RCAN2: variants seen among roughly 807,000 people sequenced by gnomAD.
The protein encoded by RCAN2 is calcipressin-2.
Under a neutral mutation model 23.6 loss-of-function variants are expected in RCAN2, and 9 were observed. The ratio of observed to expected loss-of-function variants is 0.38; its 90% confidence interval spans 0.23 to 0.67. RCAN2 has a LOEUF of 0.67. Among genes scored for constraint, RCAN2 ranks in the 30% least tolerant of loss-of-function variants. The pLI, the probability that RCAN2 is intolerant of heterozygous loss-of-function variation, is 0.51. For synonymous variants in RCAN2, 109 were observed against 115.7 expected (o/e 0.94, Z 0.37); for missense variants, 273 against 302.3 (o/e 0.90, Z 0.72).
At chr6:46,478,639 C>T (rs745526501) in intron 1 of RCAN2, among the ~76,000 whole-genome samples, 4 of 152,120 alleles carry the variant, frequency 2.6e-5, no homozygotes, top group African/African-American at 9.7e-5. Context: ...GCTCCAAAGT[C>T]TTACTGGAAA....
intron 2 of RCAN2, among the ~76,000 whole-genome samples, chr6:46,379,188 A>G (rs532599875): frequency 6.6e-6 from 1 of 152,334 alleles, no homozygotes; most frequent in East Asian, 1.9e-4. Context: ...TAGTTTGCCA[A>G]TTATGTGGGT....
chr6:46,486,145 G>T (rs1370358530), intron 1 of RCAN2, among the ~76,000 whole-genome samples: 2 of 152,122 alleles, frequency 1.3e-5, no homozygotes, highest in East Asian at 3.8e-4. Flanking sequence ...GTAAAGTGGG[G>T]AGATAAGGTA....
chr6:46,472,431 G>A (rs1333746570), intron 1 of RCAN2, among the ~76,000 whole-genome samples: 1 of 152,156 alleles, frequency 6.6e-6, no homozygotes, highest in Non-Finnish European at 1.5e-5. Flanking sequence ...ATAAAGTTGA[G>A]CAATAGTCCC....
chr6:46,341,874 T>C (rs1265027346), intron 2 of RCAN2, among the ~76,000 whole-genome samples: 1 of 152,114 alleles, frequency 6.6e-6, no homozygotes, highest in Non-Finnish European at 1.5e-5. Context: ...GTAAGGGTTG[T>C]GGTAAATCAA....
Position 46,456,732 on chromosome 6 carries a change from A to T in RCAN2, c.225+20T>A. On this transcript the variant is annotated intron_variant, in intron 2 of 4. Transcript: ENST00000371374. ...ATGCCATATCTCCCCATGTTTTAGG[A>T]ACAGAAAAAGGCAGCTTACCTTGCT... The T allele has an allele frequency of 6.7e-7, 1 of 1,503,398 alleles. No individual in the cohort carries two copies. Among genetic ancestry groups the T allele is most frequent in the East Asian group, 2.5e-5 (1 of 40,674 alleles). 93.1% of individuals were successfully genotyped at this position (1,503,398 alleles called of 1,614,324 possible).
chr6:46,354,517 T>C (rs1764762818), intron 2 of RCAN2, among the ~76,000 whole-genome samples: 1 of 152,194 alleles, frequency 6.6e-6, no homozygotes, highest in South Asian at 2.1e-4. Flanking sequence ...CCTCTCTGTA[T>C]TGCCTTTGCA....
intron 2 of RCAN2, among the ~76,000 whole-genome samples, chr6:46,401,845 G>C (rs976010425): frequency 3.3e-5 from 5 of 152,070 alleles, no homozygotes; most frequent in Non-Finnish European, 7.3e-5. Context: ...CTCCATAATG[G>C]GGGGAGACTA....
At chr6:46,466,330 A>G (rs958731737) in intron 1 of RCAN2, among the ~76,000 whole-genome samples, 2 of 152,220 alleles carry the variant, frequency 1.3e-5, no homozygotes, top group African/African-American at 2.4e-5. Flanking sequence ...AAGGAAAGAA[A>G]GCAGGGAGTG....
intron 2 of RCAN2, among the ~76,000 whole-genome samples, chr6:46,418,693 GTGTATATATATATA>G (rs1766779718): frequency 2.0e-5 from 2 of 99,608 alleles, no homozygotes; most frequent in African/African-American, 7.2e-5. Context: ...ATATGTGTGT[GTGTATATATATATA>G]TATATATATA....
chr6:46,458,024 AG>A (rs1768094985), intron 1 of RCAN2, among the ~76,000 whole-genome samples: 1 of 152,182 alleles, frequency 6.6e-6, no homozygotes, highest in African/African-American at 2.4e-5. Flanking sequence ...TTCTGCTCAA[AG>A]CTCAATAGTT....
intron 1 of RCAN2, among the ~76,000 whole-genome samples, chr6:46,463,147 T>G (rs901884894): frequency 6.6e-6 from 1 of 152,146 alleles, no homozygotes; most frequent in Non-Finnish European, 1.5e-5. Context: ...CATGGCCAAT[T>G]CTGGGTACTG....
intron 2 of RCAN2, among the ~76,000 whole-genome samples, chr6:46,307,919 C>G (rs762687312): frequency 1.3e-5 from 2 of 152,104 alleles, no homozygotes; most frequent in African/African-American, 4.8e-5. Flanking sequence ...AGGAAAGAAG[C>G]CTTTATGTGT....
rs147455334 is a variant in RCAN2, at chr6:46,277,465, C to T, written c.226-28569G>A. 2.9e-3 allele frequency among the ~76,000 whole-genome samples: 435 copies of T among 152,032 alleles called. 4 individuals are homozygous for T. Among genetic ancestry groups the T allele is most frequent in the African/African-American group, 9.9e-3 (411 of 41,352 alleles). On this transcript the variant is annotated intron_variant, in intron 2 of 4. Coordinates refer to ENST00000371374, the MANE Select transcript of RCAN2 (RefSeq NM_001251974.2). ...TAGTACCCAGAAGAACTGTCCTGGG[C>T]CAGTTGGGGTGGGTGGTTGCCCTAT...
intron 2 of RCAN2, among the ~76,000 whole-genome samples, chr6:46,289,365 T>TTA (rs1401893723): frequency 3.9e-5 from 6 of 152,332 alleles, no homozygotes; most frequent in South Asian, 4.1e-4. Context: ...TTAAGCCTAA[T>TTA]ACTGGTTGGG....
chr6:46,422,331 C>T (rs1766907682), intron 2 of RCAN2, among the ~76,000 whole-genome samples: 1 of 152,140 alleles, frequency 6.6e-6, no homozygotes, highest in Admixed American at 6.5e-5. Flanking sequence ...GAAGCCCTCA[C>T]CAGAAGTGGA....
At chr6:46,281,395 G>A (rs777380746) in intron 2 of RCAN2, among the ~76,000 whole-genome samples, 1 of 152,206 alleles carries the variant, frequency 6.6e-6, no homozygotes, top group Non-Finnish European at 1.5e-5. Context: ...GGGAATGAAT[G>A]TTTTAAACAA....
chr6:46,265,967 T>C (rs1767313146), intron 2 of RCAN2, among the ~76,000 whole-genome samples: 1 of 152,218 alleles, frequency 6.6e-6, no homozygotes, highest in African/African-American at 2.4e-5. Context: ...TCTTCCTAAA[T>C]GCAGACACTG....
chr6:46,348,043 A>AT (rs1764541111), intron 2 of RCAN2, among the ~76,000 whole-genome samples: 1 of 152,194 alleles, frequency 6.6e-6, no homozygotes, highest in Admixed American at 6.5e-5. Flanking sequence ...CTACATTGTG[A>AT]TTTAAATGGA....
intron 2 of RCAN2, among the ~76,000 whole-genome samples, chr6:46,308,832 T>C (rs1275619925): frequency 6.6e-6 from 1 of 151,836 alleles, no homozygotes. Flanking sequence ...AAAAAAAAAA[T>C]TGATTAATCA....
Sources: allele counts gnomAD v4.1 joint callset (sites outside exome capture counted in the v4.1 genomes callset), GRCh38; gene constraint gnomAD v4.1.1; transcripts MANE v1.5; gene names NCBI Gene and HGNC (gene_info 2026-07-23, HGNC 2026-07-21).